Variants in CELF6 observed in about 807,000 individuals in gnomAD.
CELF6 encodes Bruno -like 6, RNA binding protein.
In CELF6, 32 loss-of-function variants were observed where a neutral mutation model predicts 53.1. The observed-to-expected ratio is 0.60, with a 90% confidence interval of 0.46 to 0.81. CELF6 has a LOEUF of 0.81. Among genes scored for constraint, CELF6 ranks in the 30% least tolerant of loss-of-function variants. The pLI is 0.00. For synonymous variants in CELF6, 291 were observed against 288.8 expected (o/e 1.01, Z -0.08); for missense variants, 539 against 669.5 (o/e 0.81, Z 2.15).
intron 3 of CELF6, among the ~76,000 whole-genome samples, chr15:72,300,888 G>A (rs2088146204): frequency 6.6e-6 from 1 of 151,854 alleles, no homozygotes; most frequent in African/African-American, 2.4e-5. Flanking sequence ...CTTTATGGCA[G>A]ATGGAAAAAG....
intron 2 of CELF6, among the ~76,000 whole-genome samples, chr15:72,312,826 C>T (rs1019104288): frequency 6.6e-6 from 1 of 152,234 alleles, no homozygotes; most frequent in South Asian, 2.1e-4. Flanking sequence ...CAGCAGAGAG[C>T]TGGGCACTCC....
intron 12 of CELF6, 65 bp downstream of exon 12, chr15:72,287,172 A>T: frequency 4.8e-6 from 7 of 1,467,906 alleles, no homozygotes; most frequent in Non-Finnish European, 5.5e-6. Flanking sequence ...CAAAAGGAGG[A>T]CCATCAAAGC....
intron 3 of CELF6, among the ~76,000 whole-genome samples, chr15:72,294,358 T>C (rs2088047149): frequency 6.6e-6 from 1 of 152,160 alleles, no homozygotes; most frequent in South Asian, 2.1e-4. Context: ...ATCCTAAAAA[T>C]ACTGGTCCAT....
rs138198304 is a variant in CELF6 at position 72,307,724 on chromosome 15, A to G, written c.346-2930T>C. ...TGCTCAAATCCATTCTTAAGGCATG[A>G]ACACAAATAGTGAGGCACAGAGGGA... On this transcript the variant is annotated intron_variant, in intron 2 of 12. Transcript: ENST00000287202. 2.9e-3 allele frequency among the ~76,000 whole-genome samples: 435 copies of G among 152,336 alleles called. 3 individuals are homozygous for G. Among genetic ancestry groups the G allele is most frequent in the African/African-American group, 0.01 (423 of 41,574 alleles).
chr15:72,319,888 C>T lies in CELF6; in HGVS notation c.-14G>A, dbSNP rs971139440. On this transcript the variant is annotated 5_prime_UTR_variant, in exon 1 of 13. Transcript: ENST00000287202. The surrounding 1 kb of genome is among the most constrained non-coding windows in gnomAD (Gnocchi z 5.0). ...CGCCGCGGCCATGTCCCCGCCCTGTCAGCCCTCCCGCCGGTCCCACTGGTC... is the reference window on the plus strand; with the variant it reads ...CGCCGCGGCCATGTCCCCGCCCTGTTAGCCCTCCCGCCGGTCCCACTGGTC... 1.7e-5 allele frequency: 25 copies of T among 1,450,826 alleles called. No individual in the cohort carries two copies. In the African/African-American group the frequency reaches 2.8e-4, roughly 16 times the overall value. The allele number at this position is 1,450,826 out of a possible 1,614,324, so 89.9% of individuals were successfully genotyped here. A position where few individuals can be genotyped will look rare whatever the true frequency, so the allele number is the denominator to read the frequency against.
intron 12 of CELF6, among the ~76,000 whole-genome samples, chr15:72,286,737 C>A (rs78525364): frequency 1.3e-5 from 2 of 152,350 alleles, no homozygotes; most frequent in Non-Finnish European, 1.5e-5. Flanking sequence ...CAGATTCTAC[C>A]TCTGAAGCAT....
chr15:72,313,711 A>G, intron 2 of CELF6: 1 of 960,856 alleles, frequency 1.0e-6, no homozygotes, highest in Non-Finnish European at 1.2e-6. Flanking sequence ...CCCACATGGA[A>G]TGTTACAGCT....
intron 1 of CELF6, among the ~76,000 whole-genome samples, chr15:72,316,659 G>A (rs1334022987): frequency 6.6e-6 from 1 of 152,168 alleles, no homozygotes; most frequent in Non-Finnish European, 1.5e-5. Flanking sequence ...AGAGGTCTAG[G>A]TTGAGCCAAA....
intron 2 of CELF6, among the ~76,000 whole-genome samples, 195 bp from the exon 3 acceptor site, chr15:72,304,989 C>G (rs2088207897): frequency 6.6e-6 from 1 of 152,144 alleles, no homozygotes; most frequent in African/African-American, 2.4e-5. Flanking sequence ...GGTGCTGAAA[C>G]TGGCAGGGAT....
chr15:72,291,469 T>C (rs999071554), intron 3 of CELF6, among the ~76,000 whole-genome samples: 1 of 151,946 alleles, frequency 6.6e-6, no homozygotes, highest in African/African-American at 2.4e-5. Flanking sequence ...GACCTTGGAG[T>C]GCAGGAAAAC....
At chr15:72,304,682 C>T in intron 3 of CELF6, 64 bp downstream of exon 3, 1 of 1,458,370 alleles carries the variant, frequency 6.9e-7, no homozygotes, top group Admixed American at 1.7e-5. Flanking sequence ...GGACAGACTC[C>T]AGGTGTGGGC....
intron 3 of CELF6, among the ~76,000 whole-genome samples, chr15:72,293,323 C>G (rs1895873): frequency 0.99 from 150,237 of 152,308 alleles, 74,131 homozygotes; most frequent in Middle Eastern, 1. Context: ...GGACCCCTAA[C>G]AGTAGCCCCG....
chr15:72,288,291 G>A lies in CELF6; in HGVS notation c.1318+17C>T. The A allele has an allele frequency of 1.9e-6, 3 of 1,613,740 alleles. No individual in the cohort carries two copies. Among genetic ancestry groups the A allele is most frequent in the Middle Eastern group, 1.7e-4 (1 of 6,060 alleles). On this transcript the variant is annotated intron_variant, in intron 11 of 12. Transcript: ENST00000287202. This position sits in a 1 kb window ranked among gnomAD's most constrained non-coding sequence, Gnocchi z 4.6. ...AGTCAGAGGTGGGAGAGGCCTAGGG[G>A]TAGGTTCTCAGCTCACCAAAACACT...
chr15:72,313,827 G>A (rs2088330088), intron 2 of CELF6: 25 of 706,544 alleles, frequency 3.5e-5, no homozygotes, highest in African/African-American at 5.9e-5. Context: ...TACTATTACT[G>A]TTACTATCAC....
chr15:72,295,676 A>C (rs1224176183), intron 3 of CELF6, among the ~76,000 whole-genome samples: 1 of 150,016 alleles, frequency 6.7e-6, no homozygotes, highest in Non-Finnish European at 1.5e-5. Flanking sequence ...CAGTGAGCCG[A>C]GATCACGCCA....
intron 2 of CELF6, among the ~76,000 whole-genome samples, chr15:72,307,632 T>C (rs2088247719): frequency 6.6e-6 from 1 of 152,100 alleles, no homozygotes. Flanking sequence ...GGTGGGTAAG[T>C]GGTTGAGCTG....
At chr15:72,294,015 A>G (rs2088042300) in intron 3 of CELF6, among the ~76,000 whole-genome samples, 1 of 152,084 alleles carries the variant, frequency 6.6e-6, no homozygotes, top group Non-Finnish European at 1.5e-5. Flanking sequence ...TTTGAGTCCA[A>G]AACAAGTGGC....
chr15:72,287,926 C>T (rs566940304), intron 11 of CELF6, among the ~76,000 whole-genome samples: 10 of 152,194 alleles, frequency 6.6e-5, no homozygotes, highest in Admixed American at 3.9e-4. Context: ...CAAACTTTCC[C>T]TCTCGGATTC....
chr15:72,314,922 C>A (rs7179350), intron 2 of CELF6, among the ~76,000 whole-genome samples: 24,644 of 152,074 alleles, frequency 0.16, 5,745 homozygotes, highest in African/African-American at 0.52. Context: ...TAATTATTAG[C>A]TTATGATGCC....
Sources: allele counts gnomAD v4.1 joint callset (sites outside exome capture counted in the v4.1 genomes callset), GRCh38; gene constraint gnomAD v4.1.1; non-coding constraint Gnocchi (gnomAD v3.1); transcripts MANE v1.5; gene names NCBI Gene and HGNC (gene_info 2026-07-23, HGNC 2026-07-21).